Variants in MAML3 observed in about 807,000 individuals in gnomAD.
MAML3 encodes mastermind like transcriptional coactivator 3, also known as mastermind-like protein 3.
MAML3 carries 27 observed loss-of-function variants against 101.9 expected under a neutral mutation model. The ratio of observed to expected loss-of-function variants is 0.27; its 90% CI spans 0.20 to 0.37. MAML3 has a LOEUF of 0.37. Ranked by LOEUF, MAML3 falls within the 10% of genes least tolerant of loss-of-function variation. MAML3 has a pLI of 1.00. For synonymous variants in MAML3, 501 were observed against 555.9 expected (o/e 0.90, Z 1.39); for missense variants, 1,316 against 1,444.9 (o/e 0.91, Z 1.45).
At chr4:139,767,697 T>G (rs1248971850) in intron 2 of MAML3, among the ~76,000 whole-genome samples, 1 of 152,246 alleles carries the variant, frequency 6.6e-6, no homozygotes, top group East Asian at 1.9e-4. Context: ...ATTTCTTAAA[T>G]GAAAGGTTAT....
At position 140,035,600 on chromosome 4, in the gene MAML3, TC is replaced by T. The variant is rs368203694; in HGVS notation, c.468+117259del. Among the ~76,000 whole-genome samples the T allele has an allele frequency of 3.4e-3, 521 of 152,032 alleles. 4 individuals are homozygous for T. The highest frequency in any genetic ancestry group is 0.012 in the African/African-American group (498 of 41,470). On this transcript the variant is annotated intron_variant, in intron 1 of 4. Transcript: ENST00000509479. ...TCACGAGGTCAGGAGATCAAGACCA[TC>T]CTGGCTAACACAGTGAAAACCCGTC... is the stretch of plus-strand genomic sequence containing the variant.
intron 2 of MAML3, among the ~76,000 whole-genome samples, chr4:139,783,820 G>A (rs4073208): frequency 0.19 from 28,897 of 152,222 alleles, 3,436 homozygotes; most frequent in East Asian, 0.58. Flanking sequence ...GCGATTGGCC[G>A]TCTGATTGGA....
At chr4:139,770,852 A>T (rs897392988) in intron 2 of MAML3, among the ~76,000 whole-genome samples, 1 of 152,246 alleles carries the variant, frequency 6.6e-6, no homozygotes, top group Admixed American at 6.5e-5. Context: ...AGCAAAATGT[A>T]TCCAGCAGAA....
At chr4:139,871,148 C>T (rs1325925826) in intron 2 of MAML3, among the ~76,000 whole-genome samples, 1 of 152,182 alleles carries the variant, frequency 6.6e-6, no homozygotes, top group African/African-American at 2.4e-5. Flanking sequence ...TGATGCTAGA[C>T]TATACATTTT....
intron 2 of MAML3, among the ~76,000 whole-genome samples, chr4:139,765,616 G>A (rs2111059472): frequency 6.6e-6 from 1 of 152,314 alleles, no homozygotes; most frequent in East Asian, 1.9e-4. Context: ...GACATGCAAT[G>A]TTTAAAAGTT....
intron 2 of MAML3, among the ~76,000 whole-genome samples, chr4:139,763,264 A>G (rs1042233880): frequency 8.5e-5 from 13 of 152,214 alleles, no homozygotes; most frequent in Non-Finnish European, 1.8e-4. Flanking sequence ...TCAAGTCCCC[A>G]AAGGATACAT....
intron 1 of MAML3, among the ~76,000 whole-genome samples, chr4:139,962,586 T>C (rs115180913): frequency 2.6e-5 from 4 of 152,200 alleles, no homozygotes; most frequent in East Asian, 1.9e-4. Flanking sequence ...CTAGGAAAAG[T>C]AGAAATACAA....
chr4:139,963,922 T>C (rs1013033366), intron 1 of MAML3, among the ~76,000 whole-genome samples: 12 of 152,230 alleles, frequency 7.9e-5, no homozygotes, highest in Non-Finnish European at 1.3e-4. Flanking sequence ...CCCTGCCATA[T>C]GGCTGACATT....
At chr4:139,778,489 AT>A (rs1730132118) in intron 2 of MAML3, among the ~76,000 whole-genome samples, 1 of 152,244 alleles carries the variant, frequency 6.6e-6, no homozygotes, top group African/African-American at 2.4e-5. Context: ...GGAGAAAAAG[AT>A]GGGGATTTAA....
intron 2 of MAML3, among the ~76,000 whole-genome samples, chr4:139,848,181 T>C (rs1269029363): frequency 6.6e-6 from 1 of 152,206 alleles, no homozygotes; most frequent in Non-Finnish European, 1.5e-5. Flanking sequence ...GCAACAAATA[T>C]GCTGCCACTG....
At chr4:140,038,502 G>A (rs1727026023) in intron 1 of MAML3, among the ~76,000 whole-genome samples, 1 of 152,040 alleles carries the variant, frequency 6.6e-6, no homozygotes, top group Admixed American at 6.6e-5. Flanking sequence ...GACTTCCTAG[G>A]GCCAAACATG....
chr4:140,030,391 GA>G (rs1380287134), intron 1 of MAML3, among the ~76,000 whole-genome samples: 1 of 152,196 alleles, frequency 6.6e-6, no homozygotes, highest in African/African-American at 2.4e-5. Context: ...CTTACCAGGG[GA>G]AAGTCTTACC....
At chr4:139,933,739 G>T (rs1003459932) in intron 1 of MAML3, among the ~76,000 whole-genome samples, 1 of 152,126 alleles carries the variant, frequency 6.6e-6, no homozygotes, top group African/African-American at 2.4e-5. Flanking sequence ...TCAAACTTCA[G>T]GTGTAGTAAA....
At chr4:140,052,645 C>G (rs1423877666) in intron 1 of MAML3, among the ~76,000 whole-genome samples, 1 of 151,516 alleles carries the variant, frequency 6.6e-6, no homozygotes, top group African/African-American at 2.4e-5. Context: ...AGTGATTCTC[C>G]TGCCTCAGCC....
At chr4:139,989,882 C>CACACACACACACACACAG (rs1385720650) in intron 1 of MAML3, among the ~76,000 whole-genome samples, 7 of 63,072 alleles carry the variant, frequency 1.1e-4, no homozygotes, top group Admixed American at 4.2e-4. Flanking sequence ...CACACACACA[C>CACACACACACACACACAG]AGAGAGAGAG....
chr4:140,076,423 A>G (rs540895712), intron 1 of MAML3, among the ~76,000 whole-genome samples: 1 of 150,378 alleles, frequency 6.6e-6, no homozygotes, highest in Non-Finnish European at 1.5e-5. Flanking sequence ...ATCTCAGGAT[A>G]AGGTGTGAGC....
chr4:139,962,730 AAG>A (rs1350311092), intron 1 of MAML3, among the ~76,000 whole-genome samples: 1 of 152,212 alleles, frequency 6.6e-6, no homozygotes, highest in Non-Finnish European at 1.5e-5. Flanking sequence ...AAAAGAGAGG[AAG>A]AGAGGAATGA....
intron 2 of MAML3, chr4:139,731,434 C>CT (rs2110991894): frequency 4.5e-5 from 1 of 22,434 alleles, no homozygotes. Context: ...CCTGTCTCTA[C>CT]TAAAAAAAAA....
chr4:139,990,587 A>G (rs924378665), intron 1 of MAML3, among the ~76,000 whole-genome samples: 12 of 151,124 alleles, frequency 7.9e-5, no homozygotes, highest in African/African-American at 2.7e-4. Context: ...AAGGTATTCA[A>G]TTAGGAAAAG....
Sources: allele counts gnomAD v4.1 joint callset (sites outside exome capture counted in the v4.1 genomes callset), GRCh38; gene constraint gnomAD v4.1.1; transcripts MANE v1.5; gene names NCBI Gene and HGNC (gene_info 2026-07-23, HGNC 2026-07-21).